SPAG16: variants seen among roughly 807,000 people sequenced by gnomAD.
The protein encoded by SPAG16 is sperm associated antigen 16.
SPAG16 carries 86 observed loss-of-function variants against 80.4 expected under a neutral mutation model. The observed-to-expected ratio is 1.07, with a 90% CI of 0.90 to 1.28. SPAG16 has a LOEUF of 1.28. SPAG16 is among the 50% of genes most tolerant of loss of function. SPAG16 has a pLI of 0.00. For synonymous variants in SPAG16, 294 were observed against 265.9 expected, an observed-to-expected ratio of 1.11 and a Z score of -1.03; for missense variants, 870 against 765.3, an observed-to-expected ratio of 1.14 and a Z score of -1.61.
At chr2:214,037,837 T>C (rs1025716845) in intron 13 of SPAG16, among the ~76,000 whole-genome samples, 2 of 151,592 alleles carry the variant, frequency 1.3e-5, no homozygotes, top group Non-Finnish European at 2.9e-5. Context: ...AATATTGCCT[T>C]TGCTCTGTTA....
chr2:213,925,590 A>G (rs2078434103), intron 11 of SPAG16, among the ~76,000 whole-genome samples: 2 of 152,098 alleles, frequency 1.3e-5, no homozygotes, highest in Non-Finnish European at 2.9e-5. Context: ...GACCTCAAGT[A>G]ATCTGTCTGC....
At chr2:213,841,933 C>A (rs1575320322) in intron 10 of SPAG16, among the ~76,000 whole-genome samples, 1 of 152,060 alleles carries the variant, frequency 6.6e-6, no homozygotes, top group Non-Finnish European at 1.5e-5. Flanking sequence ...ATTTTAACGG[C>A]AAAAATGAGA....
chr2:214,157,830 T>G (rs575705255), intron 15 of SPAG16, among the ~76,000 whole-genome samples: 1 of 152,244 alleles, frequency 6.6e-6, no homozygotes, highest in Non-Finnish European at 1.5e-5. Flanking sequence ...GCTTGAAAGA[T>G]TGTATACTTA....
At chr2:214,012,234 TTA>T (rs1243725417) in intron 12 of SPAG16, among the ~76,000 whole-genome samples, 6 of 135,776 alleles carry the variant, frequency 4.4e-5, no homozygotes, top group African/African-American at 1.1e-4. Context: ...ATATACTTAC[TTA>T]TATATATATA....
intron 10 of SPAG16, among the ~76,000 whole-genome samples, chr2:213,813,014 A>G (rs1342613315): frequency 1.3e-5 from 2 of 152,216 alleles, no homozygotes; most frequent in Admixed American, 6.5e-5. Context: ...TATAAAATTG[A>G]CTTCATTCCA....
At chr2:214,265,787 AT>A (rs1691521231) in intron 15 of SPAG16, among the ~76,000 whole-genome samples, 1 of 151,748 alleles carries the variant, frequency 6.6e-6, no homozygotes, top group South Asian at 2.1e-4. Context: ...AGTTCTAATA[AT>A]TTTTTATTGC....
chr2:214,321,404 C>CAAAT (rs1696084987), intron 15 of SPAG16, among the ~76,000 whole-genome samples: 1 of 152,146 alleles, frequency 6.6e-6, no homozygotes. Context: ...GCAAAGCAAA[C>CAAAT]ATTCTTTGCT....
chr2:213,645,508 G>A (rs1184128179), intron 10 of SPAG16, among the ~76,000 whole-genome samples: 1 of 152,162 alleles, frequency 6.6e-6, no homozygotes, highest in Non-Finnish European at 1.5e-5. Context: ...CAAGGCAGTG[G>A]GTTCTTTTCT....
chr2:213,334,119 G>A (rs186313482), intron 5 of SPAG16, among the ~76,000 whole-genome samples: 17 of 151,974 alleles, frequency 1.1e-4, no homozygotes, highest in Non-Finnish European at 1.8e-4. Context: ...TAGGAAAAAA[G>A]TCTAATACTC....
chr2:214,219,800 T>C (rs1428474602), intron 15 of SPAG16, among the ~76,000 whole-genome samples: 1 of 152,158 alleles, frequency 6.6e-6, no homozygotes, highest in Admixed American at 6.5e-5. Flanking sequence ...CACTGAAATA[T>C]ATTATTGCAT....
intron 15 of SPAG16, among the ~76,000 whole-genome samples, chr2:214,393,003 T>TG (rs1701178390): frequency 6.6e-6 from 1 of 152,188 alleles, no homozygotes. Context: ...GCAGCTAAAA[T>TG]AATTTAAAGT....
intron 14 of SPAG16, among the ~76,000 whole-genome samples, chr2:214,139,015 T>G (rs1392554811): frequency 6.6e-6 from 1 of 152,156 alleles, no homozygotes; most frequent in African/African-American, 2.4e-5. Context: ...AAAACACTGT[T>G]TGAATTTATT....
intron 10 of SPAG16, among the ~76,000 whole-genome samples, chr2:213,581,132 C>G: frequency 6.6e-6 from 1 of 152,124 alleles, no homozygotes; most frequent in Middle Eastern, 3.2e-3. Flanking sequence ...TTTTTAGTTA[C>G]TAGTAACTAT....
chr2:213,977,178 T>C (rs1431845443), intron 12 of SPAG16, among the ~76,000 whole-genome samples: 2 of 152,000 alleles, frequency 1.3e-5, no homozygotes, highest in African/African-American at 2.4e-5. Flanking sequence ...AGGACTGTAT[T>C]GGAGGTTACT....
At chr2:214,004,715 C>T (rs1225734409) in intron 12 of SPAG16, among the ~76,000 whole-genome samples, 4 of 151,864 alleles carry the variant, frequency 2.6e-5, no homozygotes, top group Admixed American at 6.6e-5. Context: ...GGGGCTGGGT[C>T]ATCCTAGGGA....
intron 10 of SPAG16, among the ~76,000 whole-genome samples, chr2:213,855,848 A>G (rs77019667): frequency 0.2 from 30,930 of 152,142 alleles, 3,709 homozygotes; most frequent in South Asian, 0.32. Flanking sequence ...TGTGGGGATT[A>G]TTATAATTCA....
intron 15 of SPAG16, among the ~76,000 whole-genome samples, chr2:214,255,889 G>A (rs1690652287): frequency 1.3e-5 from 2 of 151,812 alleles, no homozygotes; most frequent in South Asian, 4.2e-4. Flanking sequence ...GGTGTTTTTG[G>A]TTTTCAGATA....
At chr2:214,100,324 A>C (rs1204186689) in intron 13 of SPAG16, among the ~76,000 whole-genome samples, 1 of 152,070 alleles carries the variant, frequency 6.6e-6, no homozygotes, top group East Asian at 1.9e-4. Flanking sequence ...CTAATATAAA[A>C]ATTGATTTAA....
intron 15 of SPAG16, among the ~76,000 whole-genome samples, chr2:214,379,636 A>G (rs1444234909): frequency 6.6e-6 from 1 of 152,242 alleles, no homozygotes; most frequent in Non-Finnish European, 1.5e-5. Flanking sequence ...AGAGGTGAGG[A>G]AAGATCCCTC....
Sources: allele counts gnomAD v4.1 joint callset (sites outside exome capture counted in the v4.1 genomes callset), GRCh38; gene constraint gnomAD v4.1.1; transcripts MANE v1.5; gene names NCBI Gene and HGNC (gene_info 2026-07-23, HGNC 2026-07-21).